Variants in RLIM observed in about 807,000 individuals in gnomAD.
RLIM encodes the protein ring finger protein, LIM domain interacting.
RLIM carries 2 observed loss-of-function variants against 34.0 expected under a neutral mutation model. The ratio of observed to expected loss-of-function variants is 0.06; its 90% confidence interval spans 0.02 to 0.19. RLIM has a LOEUF of 0.19. Among genes scored for constraint, RLIM ranks in the 10% least tolerant of loss-of-function variants. RLIM has a pLI of 1.00. For synonymous variants in RLIM, 169 were observed against 164.0 expected (o/e 1.03, Z -0.23); for missense variants, 286 against 479.7 (o/e 0.60, Z 3.77).
At chrX:74,600,113 T>A (rs2079655089) in intron 1 of RLIM, among the ~76,000 whole-genome samples, 1 of 110,022 alleles carries the variant, frequency 9.1e-6, no homozygotes, top group African/African-American at 3.3e-5. Context: ...AATGTGGTGG[T>A]GGGGGGGAGA....
intron 1 of RLIM, among the ~76,000 whole-genome samples, chrX:74,606,587 TTTAA>T (rs1197725933): frequency 8.9e-6 from 1 of 111,948 alleles, no homozygotes; most frequent in Non-Finnish European, 1.9e-5. Context: ...TTTTAAAAAA[TTTAA>T]TTGTTATAAT....
chrX:74,608,502 A>C (rs1218085758), intron 1 of RLIM, among the ~76,000 whole-genome samples: 1 of 111,030 alleles, frequency 9.0e-6, no homozygotes, highest in African/African-American at 3.3e-5. Flanking sequence ...CCTCTCACCA[A>C]CTAAAAAATT....
rs199721182 is a variant in RLIM, at chrX:74,593,081, G to A, written c.254-20C>T. The A allele has an allele frequency of 8.5e-7, 1 of 1,169,898 alleles. No individual in the cohort carries two copies. Among genetic ancestry groups the A allele is most frequent in the Non-Finnish European group, 1.1e-6 (1 of 872,603 alleles). ...CTCCTCCTGTTCAAAACAAAGGAGGGGGAGAGGGAGAAAAAGGAACTACTA... is the reference window on the plus strand; with the variant it reads ...CTCCTCCTGTTCAAAACAAAGGAGGAGGAGAGGGAGAAAAAGGAACTACTA... On this transcript the variant is annotated intron_variant, in intron 3 of 3. Coordinates refer to ENST00000332687, the MANE Select transcript of RLIM (RefSeq NM_016120.4).
At chrX:74,610,396 G>T (rs1043766241) in intron 1 of RLIM, among the ~76,000 whole-genome samples, 1 of 107,633 alleles carries the variant, frequency 9.3e-6, no homozygotes, top group Non-Finnish European at 1.9e-5. Flanking sequence ...CAGCCTGGGC[G>T]ACAGAGCAAA....
At position 74,589,473 on chromosome X, in the gene RLIM, A is replaced by C; in HGVS notation, c.*1967T>G. On this transcript the variant is annotated 3_prime_UTR_variant, in exon 4 of 4. Transcript: ENST00000332687. ...TGCTTATATTAAAAAAAATAAGTGAAGCTTTGTTTGGACATTATTTCCTTG... is the reference window on the plus strand; with the variant it reads ...TGCTTATATTAAAAAAAATAAGTGACGCTTTGTTTGGACATTATTTCCTTG... 1 of 112,269 alleles carries C rather than the reference A, an allele frequency of 8.9e-6. No individual in the cohort carries two copies. The highest frequency in any genetic ancestry group is 1.9e-5 in the Non-Finnish European group (1 of 53,249). The allele number at this position is 112,269 out of a possible 1,213,427, so 9.3% of individuals were successfully genotyped here.
intron 1 of RLIM, among the ~76,000 whole-genome samples, chrX:74,600,291 TACAAA>T (rs778899408): frequency 9.3e-6 from 1 of 107,776 alleles, no homozygotes; most frequent in Non-Finnish European, 1.9e-5. Flanking sequence ...ACTAAAAAAA[TACAAA>T]ACAAAACAAA....
Position 74,592,102 on chromosome X carries a change from T to C in RLIM, c.1213A>G (p.Met405Val). 1 of 1,212,046 alleles carries C rather than the reference T, an allele frequency of 8.3e-7. No individual in the cohort carries two copies. Among genetic ancestry groups the C allele is most frequent in the East Asian group, 3.0e-5 (1 of 33,844 alleles). The change falls in exon 4 of 4, where the codon ATG becomes GTG. Residue 405 changes from methionine (M) to valine (V), a missense_variant. Met to Val is a conservative substitution (Grantham distance 21). This residue lies in a region of RLIM where 12 missense variants were observed against 45.2 expected (regional missense o/e 0.27). Transcript: ENST00000332687. Reference sequence around the variant, plus strand: ...AAACCTGTCATTATCTGCCTTAACATGGTCTGAATTGCAACAGATGTAGTC... The same window carrying C: ...AAACCTGTCATTATCTGCCTTAACACGGTCTGAATTGCAACAGATGTAGTC... ...SETTSVAIQT[M>V]LRQIMTGFGE...
In RLIM at chrX:74,583,774, G is replaced by A. The variant is rs188491370; in HGVS notation, c.*7666C>T. Among the ~76,000 whole-genome samples, 6 of 112,064 alleles carry A rather than the reference G, an allele frequency of 5.4e-5. No homozygotes were observed. The highest frequency in any genetic ancestry group is 2.8e-4 in the East Asian group (1 of 3,566). On this transcript the variant is annotated 3_prime_UTR_variant, in exon 4 of 4. Coordinates refer to ENST00000332687, the MANE Select transcript of RLIM (RefSeq NM_016120.4). ...AACAAAAAACAATTTGCGGCCGGGCGTGGTGGCTCACGCCTGTAATACCAC... is the reference window on the plus strand; with the variant it reads ...AACAAAAAACAATTTGCGGCCGGGCATGGTGGCTCACGCCTGTAATACCAC...
chrX:74,613,486 G>A (rs2079720542), intron 1 of RLIM, among the ~76,000 whole-genome samples: 1 of 110,712 alleles, frequency 9.0e-6, no homozygotes, highest in African/African-American at 3.3e-5. Context: ...TCTAGGGAAG[G>A]AACGTGGCTG....
Position 74,592,333 on chromosome X carries a change from C to T in RLIM, c.982G>A (p.Val328Ile). The T allele has an allele frequency of 8.3e-7, 1 of 1,211,783 alleles. No homozygotes were observed. The highest frequency in any genetic ancestry group is 1.1e-6 in the Non-Finnish European group (1 of 895,583). The change falls in exon 4 of 4, where the codon GTT becomes ATT. Residue 328 changes from valine (V) to isoleucine (I), a missense_variant. Around this residue, in one of 6 missense-constraint regions of RLIM, gnomAD observed 121 missense variants for 182.4 expected, o/e 0.66. Transcript: ENST00000332687. ...TIVLDLQVRRVRPGEYRQRDS... is the reference protein window; with the variant it reads ...TIVLDLQVRRIRPGEYRQRDS... Reference sequence around the variant, plus strand: ...CTCTGCCGATATTCTCCAGGACGAACTCTTCTTACTTGAAGATCAAGGACT... The same window carrying T: ...CTCTGCCGATATTCTCCAGGACGAATTCTTCTTACTTGAAGATCAAGGACT...
At chrX:74,593,319 G>A (rs978109905) in intron 3 of RLIM, among the ~76,000 whole-genome samples, 18 of 112,376 alleles carry the variant, frequency 1.6e-4, no homozygotes, top group African/African-American at 5.5e-4. Context: ...TCTATTTTCA[G>A]TATTTTATCA....
chrX:74,601,401 GACAAT>G (rs769751663), intron 1 of RLIM, among the ~76,000 whole-genome samples: 1 of 112,182 alleles, frequency 8.9e-6, no homozygotes, highest in South Asian at 3.7e-4. Flanking sequence ...AGTAAAATGT[GACAAT>G]ACATCTAGGG....
rs1165874452 is a variant in RLIM at position 74,583,919 on chromosome X, G to A, written c.*7521C>T. Among the ~76,000 whole-genome samples, 11 of 110,838 alleles carry A rather than the reference G, an allele frequency of 9.9e-5. No individual in the cohort carries two copies. The South Asian group carries it at 1.2e-3, about 12-fold the overall frequency. The stretch of plus-strand genomic sequence containing the variant: ...AAATTAGCTGGGCGTGGTGGCGGGC[G>A]CCTGTAATCCCAGCTACTCGGGAGG... On this transcript the variant is annotated 3_prime_UTR_variant, in exon 4 of 4. Coordinates refer to ENST00000332687, the MANE Select transcript of RLIM (RefSeq NM_016120.4).
intron 1 of RLIM, among the ~76,000 whole-genome samples, chrX:74,596,819 C>CA (rs1310964094): frequency 2.7e-5 from 3 of 110,809 alleles, no homozygotes; most frequent in Non-Finnish European, 5.7e-5. Flanking sequence ...ATAATGACAG[C>CA]ATTTCAAGTG....
chrX:74,611,766 T>A (rs1028744439), intron 1 of RLIM, among the ~76,000 whole-genome samples: 40 of 112,290 alleles, frequency 3.6e-4, no homozygotes, highest in Admixed American at 2.9e-3. Context: ...TGGGATAAAA[T>A]GAGGGCTCCA....
Position 74,595,822 on chromosome X carries a change from C to A in RLIM, c.156G>T (p.Leu52Phe). Residue 52 changes from leucine to phenylalanine, a missense_variant, in exon 2 of 4, where the codon TTG (leucine) becomes TTT (phenylalanine). This residue lies in a region of RLIM where 62 missense variants were observed against 71.3 expected (regional missense o/e 0.87). Transcript: ENST00000332687. ...EDYRLMRDNN[L>F]LGTPGESTEE... is the part of the protein sequence containing the mutation. ...ATGTAAGCATACCTGGGGTGCCTAG[C>A]AAATTGTTATCTCTCATAAGCCTAT... 1 of 1,197,492 alleles carries A rather than the reference C, an allele frequency of 8.4e-7. No homozygotes were observed. The highest frequency in any genetic ancestry group is 1.1e-6 in the Non-Finnish European group (1 of 887,946).
Position 74,589,959 on chromosome X carries a change from T to G in RLIM, c.*1481A>C, listed in dbSNP as rs752800308. On this transcript the variant is annotated 3_prime_UTR_variant, in exon 4 of 4. Transcript: ENST00000332687. Reference sequence around the variant, plus strand: ...CATATATGGGCAGCACAATTAAAATTTGAATTTCAAATAACCCAACATGAC... The same window carrying G: ...CATATATGGGCAGCACAATTAAAATGTGAATTTCAAATAACCCAACATGAC... 2 of 112,020 alleles carry G rather than the reference T, an allele frequency of 1.8e-5. No homozygotes were observed. Among genetic ancestry groups the G allele is most frequent in the South Asian group, 7.4e-4 (2 of 2,687 alleles). 9.2% of individuals were successfully genotyped at this position (112,020 alleles called of 1,213,427 possible).
chrX:74,594,222 G>C, intron 3 of RLIM, 84 bp downstream of exon 3: 1 of 655,750 alleles, frequency 1.5e-6, no homozygotes, highest in East Asian at 3.6e-5. Context: ...TGCCAAATCT[G>C]GATAATCTTT....
intron 1 of RLIM, among the ~76,000 whole-genome samples, chrX:74,603,729 C>T (rs1285242468): frequency 9.0e-6 from 1 of 111,650 alleles, no homozygotes; most frequent in Non-Finnish European, 1.9e-5. Flanking sequence ...TGTAATTTTT[C>T]AAAATGCCAA....
Sources: gnomAD v4.1 joint callset for allele counts (sites outside exome capture counted in the v4.1 genomes callset) on GRCh38, gnomAD v4.1.1 for gene constraint, gnomAD v4.1.1 regional missense constraint, MANE v1.5 for transcripts, NCBI Gene and HGNC (gene_info 2026-07-23, HGNC 2026-07-21) for gene names.